ANKRD11: variants seen among roughly 807,000 people sequenced by gnomAD.
The protein encoded by ANKRD11 is ankyrin repeat domain 11.
In ANKRD11, 17 loss-of-function variants were observed where a neutral mutation model predicts 195.7. The ratio of observed to expected loss-of-function variants is 0.09; its 90% CI spans 0.06 to 0.13. The LOEUF is 0.13. Ranked by LOEUF, ANKRD11 falls within the 10% of genes least tolerant of loss-of-function variation. The pLI is 1.00. For missense variants in ANKRD11, 3,735 were observed against 3,566.1 expected (o/e 1.05, Z -1.21); for synonymous variants, 1,953 against 1,528.1 (o/e 1.28, Z -6.49).
At chr16:89,358,534 T>C (rs1003586814) in intron 2 of ANKRD11, among the ~76,000 whole-genome samples, 6 of 152,336 alleles carry the variant, frequency 3.9e-5, no homozygotes, top group East Asian at 1.9e-4. Flanking sequence ...TCACTACGCA[T>C]TGCATGCCTA....
chr16:89,288,743 TGA>T (rs1264300170), intron 6 of ANKRD11, 73 bp from the exon 7 acceptor site: 4 of 1,607,990 alleles, frequency 2.5e-6, no homozygotes, highest in Non-Finnish European at 1.7e-6. Flanking sequence ...GGCAGCGCCC[TGA>T]GGATGTGCTA....
intron 1 of ANKRD11, among the ~76,000 whole-genome samples, chr16:89,427,925 A>G (rs1320021926): frequency 6.6e-6 from 1 of 152,052 alleles, no homozygotes; most frequent in African/African-American, 2.4e-5. Flanking sequence ...TGAAAGGTTT[A>G]AAATTCTTCA....
intron 2 of ANKRD11, among the ~76,000 whole-genome samples, chr16:89,348,669 T>C (rs906738707): frequency 2.6e-5 from 4 of 152,248 alleles, no homozygotes; most frequent in African/African-American, 9.6e-5. Context: ...TTCAGTAAGC[T>C]GAACTAGTTT....
chr16:89,453,156 A>G (rs1468219100), intron 1 of ANKRD11, among the ~76,000 whole-genome samples: 6 of 152,174 alleles, frequency 3.9e-5, no homozygotes, highest in African/African-American at 1.4e-4. Flanking sequence ...ATTTAACAAG[A>G]TAAATATCTT....
chr16:89,284,263 A>G lies in ANKRD11; in HGVS notation c.2279T>C (p.Leu760Pro), dbSNP rs2034489765. The G allele has an allele frequency of 6.2e-7, 1 of 1,613,490 alleles. No individual in the cohort carries two copies. The change falls in exon 9 of 13, where the codon CTG becomes CCG. Residue 760 changes from leucine (L) to proline (P), a missense_variant. By Grantham distance (98) the Leu-to-Pro change is moderately conservative. Coordinates refer to ENST00000301030, the MANE Select transcript of ANKRD11 (RefSeq NM_013275.6). The stretch of plus-strand genomic sequence containing the variant: ...TTTCTTCTTTCTCTCCTCTTTGTAC[A>G]GTCTCAGTTTTTCTTCTTTCGGAGA... The part of the protein sequence containing the change: ...EKSPKEEKLR[L>P]YKEERKKKSK...
At chr16:89,401,593 T>C (rs1459553636) in intron 2 of ANKRD11, among the ~76,000 whole-genome samples, 1 of 152,180 alleles carries the variant, frequency 6.6e-6, no homozygotes, top group African/African-American at 2.4e-5. Context: ...CTTTATTTAC[T>C]GGTGTTATGA....
chr16:89,423,192 C>A (rs917316845), intron 1 of ANKRD11, among the ~76,000 whole-genome samples: 3 of 152,266 alleles, frequency 2.0e-5, no homozygotes, highest in African/African-American at 7.2e-5. Context: ...GGTCCCTACA[C>A]TGGCCTTGGT....
chr16:89,309,382 G>C (rs1429398207), intron 3 of ANKRD11, among the ~76,000 whole-genome samples: 1 of 152,170 alleles, frequency 6.6e-6, no homozygotes, highest in Non-Finnish European at 1.5e-5. Context: ...TTTCGAATGG[G>C]GAACATTACT....
intron 9 of ANKRD11, chr16:89,277,844 C>T (rs2151719443): frequency 6.5e-6 from 1 of 154,762 alleles, no homozygotes; most frequent in South Asian, 2.0e-4. Context: ...AGGGCAAGCT[C>T]AGCAGACCCC....
Position 89,280,778 on chromosome 16 carries a change from C to T in ANKRD11, c.5764G>A (p.Ala1922Thr), listed in dbSNP as rs747284349. Reference protein sequence around the residue: ...DTSEDQQATAAIIPPEPSYLE... With the variant: ...DTSEDQQATATIIPPEPSYLE... ...TAGCTGGGCTCCGGGGGGATGATGG[C>T]GGCCGTCGCCTGCTGGTCCTCGGAG... Residue 1922 changes from alanine (A) to threonine (T), a missense_variant, in exon 9 of 13, where the codon GCC becomes ACC. Transcript: ENST00000301030. 13 of 1,611,272 alleles carry T rather than the reference C, an allele frequency of 8.1e-6. No homozygotes were observed. Among genetic ancestry groups the T allele is most frequent in the Non-Finnish European group, 1.1e-5 (13 of 1,178,140 alleles).
intron 7 of ANKRD11, chr16:89,288,084 G>A (rs555212373): frequency 8.8e-6 from 5 of 569,440 alleles, no homozygotes; most frequent in Non-Finnish European, 1.6e-5. Flanking sequence ...CGGCCACAAT[G>A]GCCACTTTCT....
At chr16:89,407,209 C>A (rs1031320178) in intron 2 of ANKRD11, among the ~76,000 whole-genome samples, 1 of 151,034 alleles carries the variant, frequency 6.6e-6, no homozygotes, top group East Asian at 1.9e-4. Flanking sequence ...AAAAAGAACA[C>A]GCAGACAGAA....
chr16:89,467,914 C>T (rs532007879), intron 1 of ANKRD11, among the ~76,000 whole-genome samples: 2 of 152,168 alleles, frequency 1.3e-5, no homozygotes, highest in African/African-American at 2.4e-5. Context: ...GTTTCTCTTG[C>T]CTCAGCCTCC....
At chr16:89,398,692 T>A (rs968703816) in intron 2 of ANKRD11, among the ~76,000 whole-genome samples, 14 of 151,994 alleles carry the variant, frequency 9.2e-5, no homozygotes, top group African/African-American at 3.4e-4. Flanking sequence ...CAGTGAGCTA[T>A]ATGACTGTGC....
At chr16:89,317,220 G>T in intron 2 of ANKRD11, 142 bp from the exon 3 acceptor site, 1 of 686,570 alleles carries the variant, frequency 1.5e-6, no homozygotes, top group Non-Finnish European at 2.6e-6. Flanking sequence ...CCAGGCCCAG[G>T]AAGGGACTTC....
intron 2 of ANKRD11, among the ~76,000 whole-genome samples, chr16:89,401,301 A>T (rs530791538): frequency 1.3e-4 from 19 of 151,718 alleles, no homozygotes; most frequent in African/African-American, 4.6e-4. Context: ...CTGGTCTCGA[A>T]CTCCTGACCT....
chr16:89,401,476 GAGTAATCCTTATTTTGTAAAA>G (rs2041684497), intron 2 of ANKRD11, among the ~76,000 whole-genome samples: 1 of 152,200 alleles, frequency 6.6e-6, no homozygotes, highest in East Asian at 1.9e-4. Flanking sequence ...CTTATATCCA[GAGTAATCCTTATTTTGTAAAA>G]AGTACATGAT....
intron 3 of ANKRD11, chr16:89,313,588 A>G (rs1408215334): frequency 2.3e-6 from 3 of 1,289,042 alleles, no homozygotes; most frequent in East Asian, 5.5e-5. Context: ...TTTTGGAAAA[A>G]TCTAAAAATA....
intron 2 of ANKRD11, among the ~76,000 whole-genome samples, chr16:89,357,949 A>G (rs2039561244): frequency 6.6e-6 from 1 of 152,244 alleles, no homozygotes; most frequent in East Asian, 1.9e-4. Flanking sequence ...AATCCTTTCA[A>G]AACAATCAGA....
Sources: gnomAD v4.1 joint callset for allele counts (sites outside exome capture counted in the v4.1 genomes callset) on GRCh38, gnomAD v4.1.1 for gene constraint, MANE v1.5 for transcripts, NCBI Gene and HGNC (gene_info 2026-07-23, HGNC 2026-07-21) for gene names.